Variants in RDH11 observed in about 807,000 individuals in gnomAD.
The protein encoded by RDH11 is retinol dehydrogenase 11.
RDH11 carries 19 observed loss-of-function variants against 33.4 expected under a neutral mutation model. The observed-to-expected ratio is 0.57, with a 90% confidence interval of 0.40 to 0.83. RDH11 has a LOEUF of 0.83. Among genes scored for constraint, RDH11 ranks in the 40% least tolerant of loss-of-function variants. RDH11 has a pLI of 0.00. For missense variants in RDH11, 353 were observed against 389.0 expected (o/e 0.91, Z 0.78); for synonymous variants, 154 against 155.3 (o/e 0.99, Z 0.06).
At chr14:67,688,872 T>A (rs2037713734) in intron 5 of RDH11, among the ~76,000 whole-genome samples, 2 of 152,168 alleles carry the variant, frequency 1.3e-5, no homozygotes, top group Non-Finnish European at 1.5e-5. Context: ...ACTATACCTA[T>A]CTTGTTCACC....
intron 4 of RDH11, 55 bp from the exon 5 acceptor site, chr14:67,690,476 G>T: frequency 6.7e-7 from 1 of 1,498,352 alleles, no homozygotes; most frequent in Non-Finnish European, 9.3e-7. Flanking sequence ...AATGACAGGA[G>T]TCGTGGTGAG....
intron 1 of RDH11, among the ~76,000 whole-genome samples, chr14:67,693,670 C>T (rs1246674168): frequency 1.4e-5 from 2 of 146,446 alleles, no homozygotes; most frequent in Non-Finnish European, 3.0e-5. Context: ...TTTTTTGAGA[C>T]AGAGTTTTGC....
Position 67,692,990 on chromosome 14 carries a change from A to C in RDH11, c.137T>G (p.Val46Gly), listed in dbSNP as rs780815466. 1 of 1,614,106 alleles carries C rather than the reference A, an allele frequency of 6.2e-7. No homozygotes were observed. Among genetic ancestry groups the C allele is most frequent in the Non-Finnish European group, 8.5e-7 (1 of 1,180,002 alleles). ...CCCGATACCTGTATTAGCTCCTGTG[A>C]CCACAACTACTTTCCCAGGAAGCTG... Reference protein sequence around the residue: ...TVQLPGKVVVVTGANTGIGKE... With the variant: ...TVQLPGKVVVGTGANTGIGKE... Residue 46 changes from valine (V) to glycine (G), a missense_variant, in exon 2 of 7, where the codon GTC becomes GGC. Coordinates refer to ENST00000381346, the MANE Select transcript of RDH11 (RefSeq NM_016026.4).
chr14:67,690,562 C>A (rs1465342832), intron 4 of RDH11, 141 bp from the exon 5 acceptor site: 8 of 686,824 alleles, frequency 1.2e-5, no homozygotes, highest in African/African-American at 1.8e-5. Context: ...AACTAGAAAA[C>A]AAGTTTAATG....
intron 5 of RDH11, among the ~76,000 whole-genome samples, chr14:67,687,247 A>G (rs527895986): frequency 7.9e-5 from 12 of 152,272 alleles, no homozygotes; most frequent in Middle Eastern, 3.4e-3. Context: ...AAAAGGCTTT[A>G]ATTTTAACCG....
intron 2 of RDH11, 60 bp from the exon 3 acceptor site, chr14:67,692,653 T>G: frequency 6.6e-7 from 1 of 1,503,850 alleles, no homozygotes; most frequent in South Asian, 1.4e-5. Context: ...GCATTATAAA[T>G]CTAATGTTAT....
At position 67,677,914 on chromosome 14, in the gene RDH11, T is replaced by G. The variant is rs2037563321; in HGVS notation, c.*407A>C. 1.3e-5 allele frequency: 2 copies of G among 157,230 alleles called. No homozygotes were observed. The highest frequency in any genetic ancestry group is 3.7e-4 in the South Asian group (2 of 5,378). 9.7% of individuals were successfully genotyped at this position (157,230 alleles called of 1,614,324 possible). ...TATTCATGTTAAGCTGAGGTTGCAG[T>G]GTGGCCCTCTTGAAGTGAAGACTGG... On this transcript the variant is annotated 3_prime_UTR_variant, in exon 7 of 7. Transcript: ENST00000381346.
chr14:67,687,063 G>A (rs192793520), intron 5 of RDH11, among the ~76,000 whole-genome samples: 1 of 152,186 alleles, frequency 6.6e-6, no homozygotes, highest in Non-Finnish European at 1.5e-5. Flanking sequence ...CAGGCAAAAG[G>A]GTTCTGATGA....
chr14:67,680,588 AG>A (rs2037602808), intron 6 of RDH11, among the ~76,000 whole-genome samples: 1 of 152,078 alleles, frequency 6.6e-6, no homozygotes, highest in African/African-American at 2.4e-5. Context: ...CCTCCCAAGT[AG>A]CCAGGACCAC....
In RDH11 at chr14:67,692,553, C is replaced by T. The variant is rs1224995738; in HGVS notation, c.234G>A (p.Gly78=). The change falls in exon 3 of 7, where the codon GGG becomes GGA. Residue 78 remains glycine, a synonymous_variant. Transcript: ENST00000381346. Reference sequence around the variant, plus strand: ...TCTGGATCTCTTTGGCCACCAATTCCCCCTTTTCCACATCCCGGCAAGCTA... The same window carrying T: ...TCTGGATCTCTTTGGCCACCAATTCTCCCTTTTCCACATCCCGGCAAGCTA... The part of the protein sequence containing the change: ...VYLACRDVEK[G]ELVAKEIQTT... 6 of 1,608,266 alleles carry T rather than the reference C, an allele frequency of 3.7e-6. No homozygotes were observed. Among genetic ancestry groups the T allele is most frequent in the Non-Finnish European group, 4.2e-6 (5 of 1,177,840 alleles).
chr14:67,684,373 G>C (rs2037650246), intron 6 of RDH11: 1 of 152,130 alleles, frequency 6.6e-6, no homozygotes, highest in African/African-American at 2.4e-5. Flanking sequence ...GAAAAATATG[G>C]AAAGGGGTAG....
At position 67,678,231 on chromosome 14, in the gene RDH11, G is replaced by A; in HGVS notation, c.*90C>T. 1 of 889,348 alleles carries A rather than the reference G, an allele frequency of 1.1e-6. No individual in the cohort carries two copies. Among genetic ancestry groups the A allele is most frequent in the South Asian group, 1.4e-5 (1 of 69,386 alleles). 55.1% of individuals were successfully genotyped at this position (889,348 alleles called of 1,614,324 possible). A position where few individuals can be genotyped will look rare whatever the true frequency, so the allele number is the denominator to read the frequency against. On this transcript the variant is annotated 3_prime_UTR_variant, in exon 7 of 7. Transcript: ENST00000381346. ...AAGGTTTTGCTCTCTTTGTGCTAAAGGTTTTGAAAACCTTGAAGGAGAATC... is the reference window on the plus strand; with the variant it reads ...AAGGTTTTGCTCTCTTTGTGCTAAAAGTTTTGAAAACCTTGAAGGAGAATC...
intron 6 of RDH11, among the ~76,000 whole-genome samples, chr14:67,682,267 C>T (rs1363300705): frequency 6.6e-6 from 1 of 152,102 alleles, no homozygotes; most frequent in African/African-American, 2.4e-5. Flanking sequence ...ATAAACTGGA[C>T]TTCATCAAAA....
chr14:67,680,308 T>C (rs535945889), intron 6 of RDH11, among the ~76,000 whole-genome samples: 1 of 152,348 alleles, frequency 6.6e-6, no homozygotes, highest in East Asian at 1.9e-4. Context: ...CACAAGGCTC[T>C]GTATCTCTCT....
At chr14:67,693,621 T>TA (rs1362379545) in intron 1 of RDH11, among the ~76,000 whole-genome samples, 39 of 151,660 alleles carry the variant, frequency 2.6e-4, no homozygotes, top group Admixed American at 1.4e-3. Flanking sequence ...TTTGTGTAAT[T>TA]AGAGTCCTTG....
Position 67,691,243 on chromosome 14 carries a change from C to T in RDH11, c.351G>A (p.Glu117=). The change falls in exon 4 of 7, where the codon GAG becomes GAA. Residue 117 remains glutamate, a splice_region_variant and synonymous_variant. Transcript: ENST00000381346. The part of the protein sequence containing the change: ...IRAFAKGFLA[E]EKHLHVLINN... ...TGATCAAAACGTGGAGGTGCTTTTCCTCTGCAGGGACAAGACGATGGAGCG... is the reference window on the plus strand; with the variant it reads ...TGATCAAAACGTGGAGGTGCTTTTCTTCTGCAGGGACAAGACGATGGAGCG... 1 of 1,611,466 alleles carries T rather than the reference C, an allele frequency of 6.2e-7. No individual in the cohort carries two copies. The highest frequency in any genetic ancestry group is 8.5e-7 in the Non-Finnish European group (1 of 1,177,986).
intron 6 of RDH11, among the ~76,000 whole-genome samples, chr14:67,681,816 A>G (rs949924516): frequency 1.3e-5 from 2 of 152,208 alleles, no homozygotes; most frequent in African/African-American, 4.8e-5. Flanking sequence ...TCACAGACCT[A>G]TGTAATGCTA....
rs76372193 is a variant in RDH11, at chr14:67,695,610, G to C, written c.74+20C>G. On this transcript the variant is annotated intron_variant, in intron 1 of 6. Transcript: ENST00000381346. ...CCCGCAACAAGAATTCTCAAGAGAA[G>C]GCAATACATTTGCACAGACCTGATT... 1.3e-3 allele frequency: 2,060 copies of C among 1,604,888 alleles called. 17 individuals are homozygous for C. The African/African-American group carries it at 0.024, about 19-fold the overall frequency.
rs1400877225 is a variant in RDH11 at position 67,685,053 on chromosome 14, T to C, written c.816A>G (p.Leu272=). ...CACTTAGAATCTCAAGACCTTCTGT[T>C]AAGGCACAGTGCAGGCTGGTCTGGG... ...QGAQTSLHCA[L]TEGLEILSGN... is the part of the protein sequence containing the mutation. Residue 272 remains leucine (L), a synonymous_variant, in exon 6 of 7, where the codon TTA becomes TTG. Coordinates refer to ENST00000381346, the MANE Select transcript of RDH11 (RefSeq NM_016026.4). 1 of 1,613,380 alleles carries C rather than the reference T, an allele frequency of 6.2e-7. No homozygotes were observed. Among genetic ancestry groups the C allele is most frequent in the Non-Finnish European group, 8.5e-7 (1 of 1,179,864 alleles).
Sources: gnomAD v4.1 joint callset for allele counts (sites outside exome capture counted in the v4.1 genomes callset) on GRCh38, gnomAD v4.1.1 for gene constraint, MANE v1.5 for transcripts, NCBI Gene and HGNC (gene_info 2026-07-23, HGNC 2026-07-21) for gene names.